The following MYO3A variants were observed in gnomAD, a reference collection of about 807,000 sequenced individuals.
MYO3A encodes the protein myosin-IIIa.
MYO3A carries 180 observed loss-of-function variants against 192.7 expected under a neutral mutation model. That is an observed-to-expected ratio of 0.93 (90% CI 0.83 to 1.06). The LOEUF (loss-of-function observed/expected upper bound fraction) is 1.06. Ranked by LOEUF, MYO3A falls within the 50% of genes least tolerant of loss-of-function variation. The pLI, the probability that MYO3A is intolerant of heterozygous loss-of-function variation, is 0.00. For missense variants in MYO3A, 1,896 were observed against 1,905.0 expected (o/e 1.00, Z 0.09); for synonymous variants, 628 against 645.3 (o/e 0.97, Z 0.41).
intron 4 of MYO3A, among the ~76,000 whole-genome samples, chr10:25,971,097 C>T (rs1049933919): frequency 1.9e-4 from 29 of 150,756 alleles, no homozygotes; most frequent in African/African-American, 5.8e-4. Context: ...ATAGTAGAAC[C>T]GTGCATTTTT....
intron 4 of MYO3A, among the ~76,000 whole-genome samples, chr10:25,992,365 C>A (rs530161341): frequency 6.6e-6 from 1 of 152,202 alleles, no homozygotes; most frequent in African/African-American, 2.4e-5. Context: ...GATTTTGTAT[C>A]CTGAGCCTTT....
chr10:26,000,295 A>G (rs1840708452), intron 6 of MYO3A, among the ~76,000 whole-genome samples: 1 of 152,142 alleles, frequency 6.6e-6, no homozygotes, highest in Non-Finnish European at 1.5e-5. Flanking sequence ...GAGCTCTTAC[A>G]CTTGTAACTT....
chr10:26,167,101 C>G (rs1461850292), intron 27 of MYO3A, among the ~76,000 whole-genome samples: 1 of 152,054 alleles, frequency 6.6e-6, no homozygotes, highest in Non-Finnish European at 1.5e-5. Context: ...AGGAAAAGAG[C>G]CAAGCTAAAG....
chr10:26,154,774 C>T lies in MYO3A; in HGVS notation c.2744C>T (p.Ala915Val). The stretch of plus-strand genomic sequence containing the variant: ...GACACTGGAGAAGCCACACGTCATG[C>T]CAGAGAGACAACCAACATGAAAACA... ...KGDTGEATRH[A>V]RETTNMKTQT... The change falls in exon 25 of 35, where the codon GCC (alanine) becomes GTC (valine). Residue 915 changes from alanine (A) to valine (V), a missense_variant. Ala to Val is a moderately conservative substitution (Grantham distance 64). Coordinates refer to ENST00000642920, the MANE Select transcript of MYO3A (RefSeq NM_017433.5). 6.2e-7 allele frequency: 1 copy of T among 1,613,716 alleles called. No homozygotes were observed. Among genetic ancestry groups the T allele is most frequent in the Non-Finnish European group, 8.5e-7 (1 of 1,179,812 alleles).
At chr10:26,040,083 A>G (rs145676405) in intron 10 of MYO3A, among the ~76,000 whole-genome samples, 1 of 150,952 alleles carries the variant, frequency 6.6e-6, no homozygotes, top group East Asian at 1.9e-4. Context: ...GAAAATTATA[A>G]TTTTTATTTC....
intron 22 of MYO3A, among the ~76,000 whole-genome samples, chr10:26,145,755 C>A (rs1003458990): frequency 6.6e-6 from 1 of 152,154 alleles, no homozygotes; most frequent in South Asian, 2.1e-4. Flanking sequence ...CCAGGGCATG[C>A]GCTTCTAGCA....
intron 11 of MYO3A, 77 bp downstream of exon 11, chr10:26,067,151 A>G: frequency 1.1e-6 from 1 of 929,664 alleles, no homozygotes; most frequent in Non-Finnish European, 1.8e-6. Context: ...TATTGGTAGA[A>G]GGGGAAGGAA....
At chr10:26,174,751 A>G (rs1842233443) in intron 30 of MYO3A, among the ~76,000 whole-genome samples, 194 bp downstream of exon 30, 1 of 152,212 alleles carries the variant, frequency 6.6e-6, no homozygotes, top group Non-Finnish European at 1.5e-5. Context: ...CCGTGGTAAC[A>G]ATAGTATAAA....
intron 29 of MYO3A, among the ~76,000 whole-genome samples, chr10:26,171,649 A>G (rs1242663874): frequency 2.0e-5 from 3 of 152,088 alleles, no homozygotes; most frequent in Non-Finnish European, 2.9e-5. Flanking sequence ...TGAGGATCCA[A>G]ATGATTTGTT....
At chr10:26,038,094 G>A (rs928367940) in intron 10 of MYO3A, among the ~76,000 whole-genome samples, 2 of 152,152 alleles carry the variant, frequency 1.3e-5, no homozygotes, top group African/African-American at 2.4e-5. Context: ...TGCTGTTTGG[G>A]TTACTATGCC....
intron 20 of MYO3A, among the ~76,000 whole-genome samples, chr10:26,129,023 A>T (rs1407519575): frequency 6.6e-6 from 1 of 152,208 alleles, no homozygotes; most frequent in African/African-American, 2.4e-5. Flanking sequence ...GTAATTTATG[A>T]ATCAGCTTCA....
chr10:26,157,295 T>C lies in MYO3A; in HGVS notation c.2794-15T>C. The C allele has an allele frequency of 6.2e-7, 1 of 1,612,136 alleles. No homozygotes were observed. ...TATGCTACATTGGGAAATTTATTTT[T>C]GTTGTGTATTATAGTATTCCCTGAT... On this transcript the variant is annotated splice_polypyrimidine_tract_variant and intron_variant, in intron 25 of 34. Transcript: ENST00000642920.
chr10:26,166,772 A>G (rs1841775770), intron 27 of MYO3A, among the ~76,000 whole-genome samples: 1 of 152,214 alleles, frequency 6.6e-6, no homozygotes. Context: ...ACCTGCTTCT[A>G]TCATAAACTT....
intron 10 of MYO3A, among the ~76,000 whole-genome samples, chr10:26,048,281 A>C (rs1011715388): frequency 6.6e-6 from 1 of 151,832 alleles, no homozygotes; most frequent in African/African-American, 2.4e-5. Context: ...TATTATATTT[A>C]ACAGAATTTG....
At chr10:26,080,894 G>A (rs959751887) in intron 14 of MYO3A, among the ~76,000 whole-genome samples, 3 of 152,270 alleles carry the variant, frequency 2.0e-5, no homozygotes, top group South Asian at 4.1e-4. Flanking sequence ...ACAGAGTCCT[G>A]TGATGTAAAC....
chr10:26,191,748 G>A (rs553384905), intron 31 of MYO3A, among the ~76,000 whole-genome samples: 2 of 152,300 alleles, frequency 1.3e-5, no homozygotes, highest in East Asian at 3.9e-4. Context: ...AGACGTCTAT[G>A]AGTCTTTCAC....
rs745797656 is a variant in MYO3A at position 26,201,320 on chromosome 10, T to C, written c.4586+15T>C. Reference sequence around the variant, plus strand: ...AGGAAAGACAGGTAATTATTACTTCTGGATTTCAATCAGTCATCTTATTCA... The same window carrying C: ...AGGAAAGACAGGTAATTATTACTTCCGGATTTCAATCAGTCATCTTATTCA... On this transcript the variant is annotated intron_variant, in intron 33 of 34. Coordinates refer to ENST00000642920, the MANE Select transcript of MYO3A (RefSeq NM_017433.5). 8.4e-6 allele frequency: 13 copies of C among 1,548,374 alleles called. No homozygotes were observed. In the East Asian group the frequency reaches 2.9e-4, roughly 35 times the overall value.
At position 26,086,363 on chromosome 10, in the gene MYO3A, G is replaced by A. The variant is rs566524536; in HGVS notation, c.1360-1840G>A. Among the ~76,000 whole-genome samples, 14 of 152,210 alleles carry A rather than the reference G, an allele frequency of 9.2e-5. No homozygotes were observed. In the South Asian group the frequency reaches 2.7e-3, roughly 29 times the overall value. On this transcript the variant is annotated intron_variant, in intron 14 of 34. Coordinates refer to ENST00000642920, the MANE Select transcript of MYO3A (RefSeq NM_017433.5). ...CTCACCAGGCCCCCTCCCCTGACAC[G>A]TGGGGATTACAATTTGACATGAGAT...
At chr10:25,967,887 G>C (rs957762617) in intron 4 of MYO3A, among the ~76,000 whole-genome samples, 1 of 152,140 alleles carries the variant, frequency 6.6e-6, no homozygotes, top group South Asian at 2.1e-4. Flanking sequence ...AATTTAAGCT[G>C]TTCAAACTGA....
Sources: gnomAD v4.1 joint callset for allele counts (sites outside exome capture counted in the v4.1 genomes callset) on GRCh38, gnomAD v4.1.1 for gene constraint, MANE v1.5 for transcripts, NCBI Gene and HGNC (gene_info 2026-07-23, HGNC 2026-07-21) for gene names.